SLC4A8: variants seen among roughly 807,000 people sequenced by gnomAD.
SLC4A8 encodes solute carrier family 4 member 8, also known as electroneutral sodium bicarbonate exchanger 1.
A neutral mutation model predicts 125.0 loss-of-function variants in SLC4A8; 40 were observed. That is an observed-to-expected ratio of 0.32 (90% CI 0.25 to 0.42). SLC4A8 has a LOEUF of 0.42. Ranked by LOEUF, SLC4A8 falls within the 10% of genes least tolerant of loss-of-function variation. The probability of loss-of-function intolerance (pLI) is 1.00; values close to 1 mark genes in which losing one functional copy is unlikely to be tolerated. For missense variants in SLC4A8, 863 were observed against 1,355.1 expected, an observed-to-expected ratio of 0.64 and a Z score of 5.70; for synonymous variants, 456 against 476.0, an observed-to-expected ratio of 0.96 and a Z score of 0.55.
chr12:51,486,029 C>A, intron 17 of SLC4A8, 129 bp downstream of exon 17: 2 of 549,204 alleles, frequency 3.6e-6, no homozygotes, highest in South Asian at 3.2e-5. Context: ...CCTTGCTCCT[C>A]ATACCTTGTC....
chr12:51,489,959 T>C lies in SLC4A8; in HGVS notation c.2700+8T>C. The C allele has an allele frequency of 6.2e-7, 1 of 1,612,652 alleles. No homozygotes were observed. The highest frequency in any genetic ancestry group is 1.1e-5 in the South Asian group (1 of 91,046). On this transcript the variant is annotated splice_region_variant and intron_variant, in intron 19 of 24. Transcript: ENST00000453097. Reference sequence around the variant, plus strand: ...ATGACGGCTATCTTAAAGGTAATCATCCTTTCAGTCATTCAGCAAATATCA... The same window carrying C: ...ATGACGGCTATCTTAAAGGTAATCACCCTTTCAGTCATTCAGCAAATATCA...
chr12:51,494,864 T>C (rs1951421301), intron 20 of SLC4A8, 81 bp from the exon 21 acceptor site: 1 of 1,066,910 alleles, frequency 9.4e-7, no homozygotes, highest in Non-Finnish European at 1.4e-6. Flanking sequence ...GAGCAGGTAA[T>C]GTAAGAGATA....
chr12:51,494,687 T>C (rs1199327249), intron 20 of SLC4A8: 3 of 347,632 alleles, frequency 8.6e-6, no homozygotes, highest in African/African-American at 6.2e-5. Flanking sequence ...GAAAGAGCTC[T>C]CTTAGGAGAC....
rs1198001447 is a variant in SLC4A8, at chr12:51,425,040, G to C, written c.48+5G>C. The C allele has an allele frequency of 6.4e-7, 1 of 1,553,912 alleles. No homozygotes were observed. The highest frequency in any genetic ancestry group is 8.7e-7 in the Non-Finnish European group (1 of 1,149,412). On this transcript the variant is annotated splice_donor_5th_base_variant and intron_variant, in intron 1 of 24. Transcript: ENST00000453097. The stretch of plus-strand genomic sequence containing the variant: ...GACGGCGTCCTCAGCTATCAGGTAG[G>C]GCCCCGCCTCCCGCGCCTCCCGCTC...
chr12:51,482,781 A>T (rs886507682), intron 16 of SLC4A8, among the ~76,000 whole-genome samples: 3 of 152,228 alleles, frequency 2.0e-5, no homozygotes, highest in African/African-American at 7.2e-5. Flanking sequence ...GAAGCATCCA[A>T]ATAGACAGAA....
chr12:51,416,139 A>G (rs1948681165), intron 1 of SLC4A8, among the ~76,000 whole-genome samples: 1 of 150,294 alleles, frequency 6.7e-6, no homozygotes, highest in African/African-American at 2.5e-5. Context: ...GCATTTTGCC[A>G]GCTTAGGACT....
In SLC4A8 at chr12:51,515,087, A is replaced by G. The variant is rs544183285; in HGVS notation, c.*7649A>G. Reference sequence around the variant, plus strand: ...ATTTCTTGAGAGAGAGAACTCACCCATGGCACTTTTCTGAGCCCAGCAGAA... The same window carrying G: ...ATTTCTTGAGAGAGAGAACTCACCCGTGGCACTTTTCTGAGCCCAGCAGAA... On this transcript the variant is annotated 3_prime_UTR_variant, in exon 25 of 25. Transcript: ENST00000453097. 2 of 152,244 alleles carry G rather than the reference A, an allele frequency of 1.3e-5. No individual in the cohort carries two copies. The highest frequency in any genetic ancestry group is 2.4e-5 in the African/African-American group (1 of 41,470). 9.4% of individuals were successfully genotyped at this position (152,244 alleles called of 1,614,324 possible). A position where few individuals can be genotyped will look rare whatever the true frequency, so the allele number is the denominator to read the frequency against.
At chr12:51,480,459 G>C (rs1014189340) in intron 16 of SLC4A8, 1 of 1,093,446 alleles carries the variant, frequency 9.1e-7, no homozygotes, top group African/African-American at 1.7e-5. Flanking sequence ...TTATCAGCTT[G>C]TTAGGAGTCC....
chr12:51,472,376 A>G (rs904280900), intron 14 of SLC4A8, among the ~76,000 whole-genome samples: 12 of 152,204 alleles, frequency 7.9e-5, no homozygotes, highest in Admixed American at 2.6e-4. Context: ...CGACAGATAC[A>G]CTTTCATCTA....
chr12:51,458,466 C>A, intron 6 of SLC4A8, 93 bp from the exon 7 acceptor site: 1 of 833,442 alleles, frequency 1.2e-6, no homozygotes, highest in Non-Finnish European at 2.0e-6. Context: ...ATAGGCTTTG[C>A]AGGAGAAGGC....
intron 1 of SLC4A8, among the ~76,000 whole-genome samples, chr12:51,416,221 T>G (rs1295597210): frequency 4.7e-5 from 7 of 149,990 alleles, no homozygotes; most frequent in African/African-American, 9.8e-5. Context: ...GTTTTTTTTT[T>G]TTTTTTTTTT....
At chr12:51,491,082 C>A (rs939158106) in intron 19 of SLC4A8, among the ~76,000 whole-genome samples, 3 of 152,078 alleles carry the variant, frequency 2.0e-5, no homozygotes, top group Non-Finnish European at 4.4e-5. Flanking sequence ...AGGTTTCTGA[C>A]TTGACCATCT....
chr12:51,457,254 C>T (rs1001711074), intron 5 of SLC4A8, 97 bp from the exon 6 acceptor site: 7 of 944,664 alleles, frequency 7.4e-6, no homozygotes, highest in African/African-American at 1.6e-5. Flanking sequence ...AGCTGCTTCC[C>T]CCTACTCCAT....
Position 51,494,977 on chromosome 12 carries a change from C to T in SLC4A8, c.2802C>T (p.Pro934=), listed in dbSNP as rs34555885. The T allele has an allele frequency of 0.014, 23,096 of 1,614,004 alleles. 1,614 individuals are homozygous for T. In the African/African-American group the frequency reaches 0.18, roughly 13 times the overall value. ...FFDRLKLFGM[P]AKHQPDFIYL... ...ATCGTCTAAAGCTCTTTGGGATGCCCGCAAAGCACCAGCCAGATTTCATCT... is the reference window on the plus strand; with the variant it reads ...ATCGTCTAAAGCTCTTTGGGATGCCTGCAAAGCACCAGCCAGATTTCATCT... Residue 934 remains proline, a synonymous_variant, in exon 21 of 25, where the codon CCC becomes CCT. Coordinates refer to ENST00000453097, the MANE Select transcript of SLC4A8 (RefSeq NM_001039960.3).
intron 24 of SLC4A8, among the ~76,000 whole-genome samples, chr12:51,506,741 T>C (rs1353643090): frequency 6.6e-6 from 1 of 152,190 alleles, no homozygotes. Flanking sequence ...GCCGTAACTG[T>C]TTTTCTGTTT....
intron 1 of SLC4A8, among the ~76,000 whole-genome samples, chr12:51,416,961 C>T (rs1170034487): frequency 1.3e-5 from 2 of 151,952 alleles, no homozygotes; most frequent in Non-Finnish European, 2.9e-5. Context: ...CCTGTCTCTA[C>T]AAAAAATACA....
chr12:51,504,424 C>T (rs1410044016), intron 23 of SLC4A8, among the ~76,000 whole-genome samples: 2 of 152,214 alleles, frequency 1.3e-5, no homozygotes, highest in Admixed American at 1.3e-4. Context: ...TTAACCTGTA[C>T]TCATATGAAT....
At chr12:51,431,336 C>T (rs1474425667) in intron 1 of SLC4A8, among the ~76,000 whole-genome samples, 2 of 152,194 alleles carry the variant, frequency 1.3e-5, no homozygotes, top group Non-Finnish European at 2.9e-5. Flanking sequence ...TTCCTCTTTG[C>T]CATTATAAGG....
chr12:51,439,340 G>A (rs1949519940), intron 1 of SLC4A8, among the ~76,000 whole-genome samples: 1 of 152,180 alleles, frequency 6.6e-6, no homozygotes, highest in Non-Finnish European at 1.5e-5. Flanking sequence ...ACAGGTGTGA[G>A]CCACCATGCC....
Sources: gnomAD v4.1 joint callset for allele counts (sites outside exome capture counted in the v4.1 genomes callset) on GRCh38, gnomAD v4.1.1 for gene constraint, MANE v1.5 for transcripts, NCBI Gene and HGNC (gene_info 2026-07-23, HGNC 2026-07-21) for gene names.